Variants in EYS observed in about 807,000 individuals in gnomAD.
EYS encodes EGF-like photoreceptor maintenance factor, also known as protein eyes shut homolog.
Under a neutral mutation model 282.1 loss-of-function variants are expected in EYS, and 250 were observed. The ratio of observed to expected loss-of-function variants is 0.89; its 90% CI spans 0.80 to 0.98. The LOEUF is 0.98. Among genes scored for constraint, EYS ranks in the 50% least tolerant of loss-of-function variants. The pLI, the probability that EYS is intolerant of heterozygous loss-of-function variation, is 0.00. For synonymous variants in EYS, 1,355 were observed against 1,282.9 expected, an observed-to-expected ratio of 1.06 and a Z score of -1.20; for missense variants, 4,016 against 3,709.0, an observed-to-expected ratio of 1.08 and a Z score of -2.15.
intron 22 of EYS, among the ~76,000 whole-genome samples, chr6:64,732,472 T>C (rs1772007849): frequency 6.6e-6 from 1 of 152,200 alleles, no homozygotes; most frequent in Non-Finnish European, 1.5e-5. Context: ...ATAAACATCT[T>C]AGATATGGCA....
At chr6:64,893,293 A>G (rs1384354495) in intron 18 of EYS, among the ~76,000 whole-genome samples, 1 of 152,080 alleles carries the variant, frequency 6.6e-6, no homozygotes, top group Non-Finnish European at 1.5e-5. Context: ...ATGTTACTAG[A>G]GGTAAGTCTT....
intron 2 of EYS, among the ~76,000 whole-genome samples, chr6:65,526,973 G>A (rs1379472430): frequency 6.6e-6 from 1 of 152,192 alleles, no homozygotes; most frequent in African/African-American, 2.4e-5. Flanking sequence ...ACAGGAGTGT[G>A]TGGAGTTTTG....
At chr6:64,346,106 A>T (rs548389886) in intron 29 of EYS, among the ~76,000 whole-genome samples, 3 of 152,098 alleles carry the variant, frequency 2.0e-5, no homozygotes, top group Admixed American at 2.0e-4. Flanking sequence ...TGTTGGTGGG[A>T]CTGTAAACTA....
At chr6:65,256,048 C>G (rs567213900) in intron 12 of EYS, among the ~76,000 whole-genome samples, 57 of 151,946 alleles carry the variant, frequency 3.8e-4, no homozygotes, top group Non-Finnish European at 2.2e-4. Context: ...TCTGCATTCC[C>G]GTGCTGCTTG....
chr6:64,787,963 G>A (rs1774074285), intron 22 of EYS, among the ~76,000 whole-genome samples: 1 of 151,744 alleles, frequency 6.6e-6, no homozygotes, highest in Non-Finnish European at 1.5e-5. Flanking sequence ...GTTTTTAAAT[G>A]GGTGAATATG....
intron 5 of EYS, among the ~76,000 whole-genome samples, chr6:65,442,079 AT>A (rs1435013942): frequency 6.6e-6 from 1 of 152,004 alleles, no homozygotes; most frequent in Non-Finnish European, 1.5e-5. Flanking sequence ...ATTTATAGTA[AT>A]TTTATTTAAA....
intron 36 of EYS, among the ~76,000 whole-genome samples, chr6:63,848,501 G>T (rs959669538): frequency 6.6e-6 from 1 of 151,780 alleles, no homozygotes; most frequent in Non-Finnish European, 1.5e-5. Context: ...ATCTCATTGG[G>T]ACTGGTTAGA....
intron 16 of EYS, among the ~76,000 whole-genome samples, chr6:64,908,978 A>G (rs763363742): frequency 1.2e-4 from 19 of 152,106 alleles, no homozygotes; most frequent in Non-Finnish European, 2.8e-4. Flanking sequence ...TTAAACTGGC[A>G]TTGGCTTGGA....
rs1417689899 is a variant in EYS, at chr6:64,727,575, G to GA, written c.3443+85802dup. Among the ~76,000 whole-genome samples the GA allele has an allele frequency of 7.9e-5, 12 of 151,736 alleles. No homozygotes were observed. The South Asian group carries it at 1.7e-3, about 21-fold the overall frequency. ...TAGTAAACTATATAATTATTTTCCG[G>GA]AAAAACAATCCTTGAATTTCTTGTG... On this transcript the variant is annotated intron_variant, in intron 22 of 42. Coordinates refer to ENST00000503581, the MANE Select transcript of EYS (RefSeq NM_001142800.2).
intron 26 of EYS, among the ~76,000 whole-genome samples, chr6:64,466,901 T>TA (rs1293330542): frequency 1.3e-5 from 2 of 152,172 alleles, no homozygotes; most frequent in African/African-American, 4.8e-5. Context: ...TTTAAAATTC[T>TA]AAAAAAATCT....
chr6:64,727,937 G>A (rs1771814225), intron 22 of EYS, among the ~76,000 whole-genome samples: 2 of 152,180 alleles, frequency 1.3e-5, no homozygotes, highest in African/African-American at 4.8e-5. Context: ...AATTCTATCT[G>A]AAGATACAAT....
rs529914747 is a variant in EYS, at chr6:65,257,664, G to A, written c.2023+38199C>T. On this transcript the variant is annotated intron_variant, in intron 12 of 42. Transcript: ENST00000503581. ...TTGGTACCAGTACCATGCTGTTTTG[G>A]TTACTGTAGCCTTGTAGTATAGTTT... Among the ~76,000 whole-genome samples the A allele has an allele frequency of 2.6e-5, 4 of 151,790 alleles. No homozygotes were observed. In the East Asian group the frequency reaches 5.9e-4, roughly 22 times the overall value.
chr6:65,245,555 C>CAT (rs1767158247), intron 12 of EYS, among the ~76,000 whole-genome samples: 22 of 151,878 alleles, frequency 1.4e-4, no homozygotes, highest in Admixed American at 1.4e-3. Flanking sequence ...CATATCAAGG[C>CAT]CTTTATATTG....
intron 19 of EYS, among the ~76,000 whole-genome samples, chr6:64,867,421 T>C (rs954275183): frequency 9.2e-5 from 14 of 151,722 alleles, no homozygotes; most frequent in African/African-American, 2.9e-4. Context: ...TGCCTTCAAA[T>C]TGGTCCACAG....
chr6:65,016,267 T>C (rs777046222), intron 13 of EYS, among the ~76,000 whole-genome samples: 9 of 152,150 alleles, frequency 5.9e-5, no homozygotes, highest in Non-Finnish European at 1.0e-4. Flanking sequence ...TACGTTACTT[T>C]CAAATGTATG....
At chr6:63,827,112 C>G (rs1771490399) in intron 36 of EYS, among the ~76,000 whole-genome samples, 3 of 152,102 alleles carry the variant, frequency 2.0e-5, no homozygotes, top group African/African-American at 7.2e-5. Context: ...CAAAAGCGAG[C>G]AGGGGTAGCT....
At chr6:65,195,209 C>T (rs1765735250) in intron 12 of EYS, among the ~76,000 whole-genome samples, 1 of 151,962 alleles carries the variant, frequency 6.6e-6, no homozygotes, top group South Asian at 2.1e-4. Flanking sequence ...GAAATTACTA[C>T]ATATCCTTTT....
At chr6:64,153,933 A>C (rs538189616) in intron 31 of EYS, among the ~76,000 whole-genome samples, 1 of 152,304 alleles carries the variant, frequency 6.6e-6, no homozygotes, top group African/African-American at 2.4e-5. Context: ...GAGCTGCAAG[A>C]CTCAAAAAAT....
intron 41 of EYS, among the ~76,000 whole-genome samples, chr6:63,751,756 G>T (rs1439936127): frequency 3.3e-5 from 5 of 152,124 alleles, no homozygotes; most frequent in Non-Finnish European, 7.4e-5. Flanking sequence ...GCTAACAGAA[G>T]GAATGGTTAA....
Sources: allele counts gnomAD v4.1 joint callset (sites outside exome capture counted in the v4.1 genomes callset), GRCh38; gene constraint gnomAD v4.1.1; transcripts MANE v1.5; gene names NCBI Gene and HGNC (gene_info 2026-07-23, HGNC 2026-07-21).